The following DLEC1 variants were observed in gnomAD, a reference collection of about 807,000 sequenced individuals.
The protein encoded by DLEC1 is DLEC1 cilia and flagella associated protein.
Under a neutral mutation model 198.1 loss-of-function variants are expected in DLEC1, and 146 were observed. The ratio of observed to expected loss-of-function variants is 0.74; its 90% CI spans 0.64 to 0.85. The LOEUF is 0.85. DLEC1 is among the 40% of genes least tolerant of loss of function. DLEC1 has a pLI of 0.00. For synonymous variants in DLEC1, 897 were observed against 866.8 expected (o/e 1.03, Z -0.61); for missense variants, 2,233 against 2,220.0 (o/e 1.01, Z -0.12).
chr3:38,092,984 G>A (rs1045889627), intron 11 of DLEC1, 104 bp downstream of exon 11: 5 of 1,081,330 alleles, frequency 4.6e-6, no homozygotes, highest in South Asian at 2.6e-5. Context: ...TTTCCTGTGT[G>A]TGTCAGGAGC....
intron 6 of DLEC1, among the ~76,000 whole-genome samples, chr3:38,073,797 A>G (rs1697456085): frequency 2.0e-5 from 3 of 152,170 alleles, no homozygotes; most frequent in Non-Finnish European, 4.4e-5. Context: ...AGAAGGCAAC[A>G]TGGAGTGGGT....
chr3:38,100,131 G>T (rs1699229264), intron 18 of DLEC1, among the ~76,000 whole-genome samples, 155 bp from the exon 19 acceptor site: 1 of 152,220 alleles, frequency 6.6e-6, no homozygotes. Flanking sequence ...TGTGGCTGTG[G>T]TCCCCCACCT....
At chr3:38,088,453 T>C in intron 10 of DLEC1, 65 bp downstream of exon 10, 1 of 1,501,196 alleles carries the variant, frequency 6.7e-7, no homozygotes, top group Non-Finnish European at 9.3e-7. Flanking sequence ...GTCTCTGTTT[T>C]CATGACTCAA....
intron 14 of DLEC1, 98 bp downstream of exon 14, chr3:38,096,044 A>G (rs1280003640): frequency 2.1e-6 from 3 of 1,438,118 alleles, no homozygotes; most frequent in Non-Finnish European, 2.9e-6. Flanking sequence ...GGGAGTGGGC[A>G]GCCTGGTCCC....
intron 6 of DLEC1, among the ~76,000 whole-genome samples, chr3:38,070,580 C>T (rs552415542): frequency 3.2e-4 from 48 of 152,238 alleles, no homozygotes; most frequent in African/African-American, 1.1e-3. Flanking sequence ...AGGCGAGCTG[C>T]GTCCACAAAG....
In DLEC1 at chr3:38,052,492, G is replaced by A. The variant is rs537561047; in HGVS notation, c.562+6799G>A. ...AACCAGAACCGTAGCCTCTAAAGAC[G>A]TTTATTGCGAGAGAAGCCCCACACC... On this transcript the variant is annotated intron_variant, in intron 2 of 36. Coordinates refer to ENST00000308059, the MANE Select transcript of DLEC1 (RefSeq NM_007335.4). 4.6e-5 allele frequency: 9 copies of A among 196,576 alleles called. No individual in the cohort carries two copies. In the East Asian group the frequency reaches 6.7e-4, roughly 15 times the overall value. The allele number at this position is 196,576 out of a possible 1,614,324, so 12.2% of individuals were successfully genotyped here.
At position 38,096,613 on chromosome 3, in the gene DLEC1, A is replaced by C. The variant is rs775527223; in HGVS notation, c.2216A>C (p.Asp739Ala). ...SLGHSSYSVDDVIVLEIEVKG... is the reference protein window; with the variant it reads ...SLGHSSYSVDAVIVLEIEVKG... ...GGGCACTCCTCCTACTCTGTGGATGATGTGATTGTCCTGGAAATCGAGGTG... is the reference window on the plus strand; with the variant it reads ...GGGCACTCCTCCTACTCTGTGGATGCTGTGATTGTCCTGGAAATCGAGGTG... The change falls in exon 15 of 37, where the codon GAT (aspartate) becomes GCT (alanine). Residue 739 changes from aspartate (D) to alanine (A), a missense_variant. Asp to Ala is a moderately radical substitution (Grantham distance 126, BLOSUM62 -2). Coordinates refer to ENST00000308059, the MANE Select transcript of DLEC1 (RefSeq NM_007335.4). 22 of 1,612,270 alleles carry C rather than the reference A, an allele frequency of 1.4e-5. 1 individual carries two copies. The South Asian group carries it at 1.8e-4, about 13-fold the overall frequency.
At chr3:38,056,292 G>A (rs544730152) in intron 2 of DLEC1, among the ~76,000 whole-genome samples, 1 of 151,990 alleles carries the variant, frequency 6.6e-6, no homozygotes, top group South Asian at 2.1e-4. Context: ...GTTAAATTTA[G>A]TGGTTTTTGG....
chr3:38,096,466 G>C, intron 14 of DLEC1, 103 bp from the exon 15 acceptor site: 5 of 1,367,078 alleles, frequency 3.7e-6, no homozygotes, highest in Non-Finnish European at 5.0e-6. Context: ...GGGTTAGGCA[G>C]TGTTTTTTTT....
intron 19 of DLEC1, among the ~76,000 whole-genome samples, chr3:38,101,494 T>C (rs1028270565): frequency 3.3e-5 from 5 of 152,218 alleles, no homozygotes; most frequent in Non-Finnish European, 7.3e-5. Flanking sequence ...TGTTGTTTTA[T>C]TATTCGTTAA....
At position 38,087,073 on chromosome 3, in the gene DLEC1, C is replaced by CAAA. The variant is rs1357870514; in HGVS notation, c.1572+710_1572+712dup. Among the ~76,000 whole-genome samples, 604 of 94,838 alleles carry CAAA rather than the reference C, an allele frequency of 6.4e-3. 9 individuals are homozygous for CAAA. Among genetic ancestry groups the CAAA allele is most frequent in the African/African-American group, 0.02 (538 of 27,472 alleles). The allele number at this position is 94,838 out of a possible 152,430, so 62.2% of individuals were successfully genotyped here. A position where few individuals can be genotyped will look rare whatever the true frequency, so the allele number is the denominator to read the frequency against. On this transcript the variant is annotated intron_variant, in intron 9 of 36. Coordinates refer to ENST00000308059, the MANE Select transcript of DLEC1 (RefSeq NM_007335.4). ...TGGGCGACAGAGTGAGACTCCATCT[C>CAAA]AAAAAAAAAAAAAAAATGGAGATTT... is the stretch of plus-strand genomic sequence containing the variant.
chr3:38,099,198 A>G (rs1429553364), intron 18 of DLEC1, among the ~76,000 whole-genome samples: 2 of 151,852 alleles, frequency 1.3e-5, no homozygotes, highest in African/African-American at 4.8e-5. Context: ...ACTTCTAGGG[A>G]TTTCCTGGGA....
chr3:38,122,245 T>C, intron 36 of DLEC1, 44 bp from the exon 37 acceptor site: 1 of 1,608,198 alleles, frequency 6.2e-7, no homozygotes, highest in Non-Finnish European at 8.5e-7. Flanking sequence ...CTGGACCCCC[T>C]GCCCAGGTGC....
chr3:38,062,538 C>G, intron 4 of DLEC1, 43 bp from the exon 5 acceptor site: 1 of 1,606,236 alleles, frequency 6.2e-7, no homozygotes, highest in Non-Finnish European at 8.5e-7. Context: ...CAAGCACAAT[C>G]CCTTTGCCTG....
At chr3:38,053,999 G>A (rs1696198894) in intron 2 of DLEC1, among the ~76,000 whole-genome samples, 1 of 152,082 alleles carries the variant, frequency 6.6e-6, no homozygotes. Context: ...AAGGCAGCAT[G>A]CTCCTTAAGA....
rs148405349 is a variant in DLEC1, at chr3:38,052,261, G to C, written c.562+6568G>C. On this transcript the variant is annotated intron_variant, in intron 2 of 36. Coordinates refer to ENST00000308059, the MANE Select transcript of DLEC1 (RefSeq NM_007335.4). ...CCTGATGACCAGAGACTCCCTGTTG[G>C]TGAAGGTGTGGGACCTCAACATAGA... 1,424 of 482,314 alleles carry C rather than the reference G, an allele frequency of 3.0e-3. 14 individuals are homozygous for C. Among genetic ancestry groups the C allele is most frequent in the African/African-American group, 0.019 (960 of 50,798 alleles). The allele number at this position is 482,314 out of a possible 1,614,324, so 29.9% of individuals were successfully genotyped here. A position where few individuals can be genotyped will look rare whatever the true frequency, so the allele number is the denominator to read the frequency against.
At chr3:38,102,805 G>A (rs972802650) in intron 19 of DLEC1, among the ~76,000 whole-genome samples, 1 of 152,092 alleles carries the variant, frequency 6.6e-6, no homozygotes, top group African/African-American at 2.4e-5. Flanking sequence ...AAATCAATTC[G>A]TGCCTTCATT....
At position 38,122,160 on chromosome 3, in the gene DLEC1, AC is replaced by A; in HGVS notation, c.5112del (p.Ser1705ProfsTer116). 1 of 1,613,834 alleles carries A rather than the reference AC, an allele frequency of 6.2e-7. No individual in the cohort carries two copies. The highest frequency in any genetic ancestry group is 8.5e-7 in the Non-Finnish European group (1 of 1,179,916). On this transcript the variant is annotated frameshift_variant, in exon 36 of 37. Coordinates refer to ENST00000308059, the MANE Select transcript of DLEC1 (RefSeq NM_007335.4). LOFTEE classifies it low-confidence loss of function (END_TRUNC). ...LEARSANAPP[T>X]SIALQVFFTA... The stretch of plus-strand genomic sequence containing the variant: ...AGCACGATCCGCCAATGCACCCCCA[AC>A]CTCCATCGCCTTGCAGGTTTTCTTC...
At chr3:38,116,391 G>A (rs980355792) in intron 27 of DLEC1, 62 bp from the exon 28 acceptor site, 2 of 1,574,356 alleles carry the variant, frequency 1.3e-6, no homozygotes. Context: ...GAGGAGGAGG[G>A]GGCCCCGGGG....
Sources: allele counts gnomAD v4.1 joint callset (sites outside exome capture counted in the v4.1 genomes callset), GRCh38; gene constraint gnomAD v4.1.1; transcripts MANE v1.5; gene names NCBI Gene and HGNC (gene_info 2026-07-23, HGNC 2026-07-21).